The following GATB variants were observed in gnomAD, a reference collection of about 807,000 sequenced individuals.
GATB encodes the protein glutamyl-tRNA(Gln) amidotransferase subunit B, mitochondrial.
Under a neutral mutation model 62.3 loss-of-function variants are expected in GATB, and 39 were observed. The observed-to-expected ratio is 0.63, with a 90% CI of 0.48 to 0.82. The LOEUF is 0.82. Ranked by LOEUF, GATB falls within the 40% of genes least tolerant of loss-of-function variation. The probability of loss-of-function intolerance (pLI) is 0.00; values close to 1 mark genes in which losing one functional copy is unlikely to be tolerated. For synonymous variants in GATB, 276 were observed against 258.9 expected (o/e 1.07, Z -0.63); for missense variants, 670 against 684.0 (o/e 0.98, Z 0.23).
At chr4:151,684,207 C>T (rs942981362) in intron 10 of GATB, among the ~76,000 whole-genome samples, 1 of 152,250 alleles carries the variant, frequency 6.6e-6, no homozygotes, top group African/African-American at 2.4e-5. Context: ...CCACAGCTCA[C>T]CTGAAACACT....
chr4:151,698,110 T>C (rs1484061241), intron 9 of GATB, among the ~76,000 whole-genome samples: 1 of 151,336 alleles, frequency 6.6e-6, no homozygotes, highest in Non-Finnish European at 1.5e-5. Context: ...GGTTTATGTA[T>C]CTGACCTTTG....
chr4:151,700,804 C>T (rs372495848), intron 9 of GATB, among the ~76,000 whole-genome samples: 2 of 152,202 alleles, frequency 1.3e-5, no homozygotes, highest in African/African-American at 4.8e-5. Flanking sequence ...CTACCGGCCC[C>T]GTCAGACGCA....
chr4:151,731,945 CGTCCGGG>C (rs1739266950), intron 2 of GATB, among the ~76,000 whole-genome samples: 8 of 102,872 alleles, frequency 7.8e-5, no homozygotes, highest in Non-Finnish European at 1.0e-4. Context: ...CCAGCCGCCC[CGTCCGGG>C]AGGGAAGTGG....
chr4:151,750,788 C>T (rs1033651131), intron 2 of GATB, among the ~76,000 whole-genome samples: 2 of 150,872 alleles, frequency 1.3e-5, no homozygotes, highest in South Asian at 4.2e-4. Flanking sequence ...CCACCATGCC[C>T]GACTTATTTT....
intron 1 of GATB, among the ~76,000 whole-genome samples, chr4:151,759,409 A>C (rs1448438593): frequency 6.6e-6 from 1 of 152,212 alleles, no homozygotes; most frequent in Non-Finnish European, 1.5e-5. Context: ...CACGTCTCTT[A>C]TTTAAAAAGG....
intron 2 of GATB, among the ~76,000 whole-genome samples, chr4:151,736,914 G>A (rs1739387258): frequency 6.6e-6 from 1 of 152,172 alleles, no homozygotes; most frequent in Non-Finnish European, 1.5e-5. Context: ...CCATGATTGT[G>A]AGGCCTCCCC....
chr4:151,715,100 C>T (rs978654003), intron 5 of GATB, among the ~76,000 whole-genome samples: 2 of 152,200 alleles, frequency 1.3e-5, no homozygotes, highest in African/African-American at 4.8e-5. Flanking sequence ...ACATGCTAAG[C>T]TTGGTAAACA....
In GATB at chr4:151,697,961, A is replaced by ATATATGTG. The variant is rs1450761587; in HGVS notation, c.1197+3367_1197+3368insCACATATA. On this transcript the variant is annotated intron_variant, in intron 9 of 12. Coordinates refer to ENST00000263985, the MANE Select transcript of GATB (RefSeq NM_004564.3). Reference sequence around the variant, plus strand: ...TATGTGTGTGTGTGTGTGTATATATATATATATATATATATATATATATAT... The same window carrying ATATATGTG: ...TATGTGTGTGTGTGTGTGTATATATATATATGTGTATATATATATATATATATATATAT... Among the ~76,000 whole-genome samples the ATATATGTG allele has an allele frequency of 3.4e-4, 20 of 58,460 alleles. 3 individuals are homozygous for ATATATGTG. Among genetic ancestry groups the ATATATGTG allele is most frequent in the African/African-American group, 1.2e-3 (20 of 16,232 alleles). 38.4% of individuals were successfully genotyped at this position (58,460 alleles called of 152,430 possible). A position where few individuals can be genotyped will look rare whatever the true frequency, so the allele number is the denominator to read the frequency against.
chr4:151,673,061 C>T, intron 11 of GATB, 165 bp from the exon 12 acceptor site: 3 of 801,718 alleles, frequency 3.7e-6, no homozygotes, highest in Non-Finnish European at 5.7e-6. Context: ...GGCTGCCCTG[C>T]CAGAGCGTTG....
intron 5 of GATB, among the ~76,000 whole-genome samples, chr4:151,712,431 G>A (rs746753654): frequency 3.9e-5 from 6 of 152,144 alleles, no homozygotes; most frequent in Non-Finnish European, 7.3e-5. Context: ...TCTAGAAGTA[G>A]AGATTTATAA....
intron 10 of GATB, 70 bp from the exon 11 acceptor site, chr4:151,679,961 G>T: frequency 7.3e-7 from 1 of 1,367,660 alleles, no homozygotes; most frequent in Non-Finnish European, 1.0e-6. Flanking sequence ...TGGCTGTTCG[G>T]AATCAGAACA....
At chr4:151,754,036 T>C (rs571479889) in intron 2 of GATB, among the ~76,000 whole-genome samples, 1 of 152,334 alleles carries the variant, frequency 6.6e-6, no homozygotes, top group African/African-American at 2.4e-5. Flanking sequence ...TAGTCCTCAC[T>C]TTACTTGACC....
At position 151,741,388 on chromosome 4, in the gene GATB, CTAAGTA is replaced by C. The variant is rs1279995973; in HGVS notation, c.327+17378_327+17383del. On this transcript the variant is annotated intron_variant, in intron 2 of 12. Transcript: ENST00000263985. ...AATTCATTTTGAACAGTTAATAATT[CTAAGTA>C]TAACACTGCCTTCTCTAATAAGGGC... 2.6e-5 allele frequency among the ~76,000 whole-genome samples: 4 copies of C among 152,292 alleles called. No homozygotes were observed. The East Asian group carries it at 7.7e-4, about 29-fold the overall frequency.
rs765475954 is a variant in GATB, at chr4:151,671,256, A to G, written c.1592T>C (p.Ile531Thr). The G allele has an allele frequency of 6.2e-6, 10 of 1,613,810 alleles. No homozygotes were observed. The highest frequency in any genetic ancestry group is 7.6e-6 in the Non-Finnish European group (9 of 1,179,888). ...NRNPRAINKLIGLVRKATQSR... is the reference protein window; with the variant it reads ...NRNPRAINKLTGLVRKATQSR... ...TTGAGTCGCTTTCCGGACCAACCCA[A>G]TCAGTTTATTTATAGCTCTGGGGTT... The change falls in exon 13 of 13, where the codon ATT (isoleucine) becomes ACT (threonine). Residue 531 changes from isoleucine (I) to threonine (T), a missense_variant. By Grantham distance (89) the Ile-to-Thr change is moderately conservative. Coordinates refer to ENST00000263985, the MANE Select transcript of GATB (RefSeq NM_004564.3).
intron 2 of GATB, among the ~76,000 whole-genome samples, chr4:151,727,951 T>C (rs1043355681): frequency 4.6e-5 from 7 of 152,252 alleles, no homozygotes; most frequent in Non-Finnish European, 1.0e-4. Context: ...TCTATTAGTC[T>C]GGATTTATAA....
At chr4:151,683,233 C>T (rs1342294937) in intron 10 of GATB, among the ~76,000 whole-genome samples, 1 of 152,164 alleles carries the variant, frequency 6.6e-6, no homozygotes, top group African/African-American at 2.4e-5. Flanking sequence ...CTACTACCTA[C>T]CCTGTGTAAG....
intron 11 of GATB, among the ~76,000 whole-genome samples, chr4:151,676,810 T>A (rs538449909): frequency 1.6e-4 from 24 of 152,272 alleles, no homozygotes; most frequent in Admixed American, 7.2e-4. Flanking sequence ...CTCCCCTGGC[T>A]CTGGGGTGCT....
At chr4:151,671,803 G>T (rs75230026) in intron 12 of GATB, among the ~76,000 whole-genome samples, 1 of 152,166 alleles carries the variant, frequency 6.6e-6, no homozygotes, top group African/African-American at 2.4e-5. Context: ...CGCTGGGTCG[G>T]GGGGAGTGTG....
intron 2 of GATB, among the ~76,000 whole-genome samples, chr4:151,744,427 T>C (rs555863132): frequency 6.6e-6 from 1 of 152,190 alleles, no homozygotes; most frequent in African/African-American, 2.4e-5. Context: ...TAAAAAGATG[T>C]TCAGTCAACT....
Sources: gnomAD v4.1 joint callset for allele counts (sites outside exome capture counted in the v4.1 genomes callset) on GRCh38, gnomAD v4.1.1 for gene constraint, MANE v1.5 for transcripts, NCBI Gene and HGNC (gene_info 2026-07-23, HGNC 2026-07-21) for gene names.